Variants in GIGYF2 observed in about 807,000 individuals in gnomAD.
GIGYF2 encodes GRB10-interacting GYF protein 2.
Under a neutral mutation model 208.1 loss-of-function variants are expected in GIGYF2, and 25 were observed. The observed-to-expected ratio is 0.12, with a 90% CI of 0.09 to 0.17. GIGYF2 has a LOEUF of 0.17. Among genes scored for constraint, GIGYF2 ranks in the 10% least tolerant of loss-of-function variants. The pLI is 1.00. For synonymous variants in GIGYF2, 534 were observed against 543.8 expected (o/e 0.98, Z 0.25); for missense variants, 1,302 against 1,579.4 (o/e 0.82, Z 2.98).
chr2:232,739,640 C>T (rs990879287), intron 3 of GIGYF2, among the ~76,000 whole-genome samples: 13 of 151,894 alleles, frequency 8.6e-5, no homozygotes, highest in African/African-American at 2.7e-4. Context: ...CTGCTGCACT[C>T]CAGCCTGGGT....
At chr2:232,827,723 T>G (rs1701293202) in intron 21 of GIGYF2, among the ~76,000 whole-genome samples, 1 of 152,238 alleles carries the variant, frequency 6.6e-6, no homozygotes, top group Non-Finnish European at 1.5e-5. Flanking sequence ...TCTTCTACTT[T>G]GAGTTGAATT....
At chr2:232,810,592 A>G (rs1436650194) in intron 16 of GIGYF2, 3 of 153,770 alleles carry the variant, frequency 2.0e-5, no homozygotes, top group African/African-American at 7.2e-5. Flanking sequence ...CCTGCTCTCT[A>G]TTTTTATATT....
rs371419971 is a variant in GIGYF2 at position 232,816,918 on chromosome 2, G to A, written c.2256G>A (p.Glu752=). 7 of 1,612,832 alleles carry A rather than the reference G, an allele frequency of 4.3e-6. No individual in the cohort carries two copies. In the African/African-American group the frequency reaches 6.7e-5, roughly 15 times the overall value. ...REAEMRAKRE[E]EERKRQEELR... ...CAGAAATGAGGGCAAAACGGGAAGA[G>A]GAAGAGCGAAAGAGGCAGGAAGAAC... The change falls in exon 20 of 29, where the codon GAG becomes GAA. Residue 752 remains glutamate (E), a synonymous_variant. Transcript: ENST00000373563.
At chr2:232,815,803 T>G in intron 19 of GIGYF2, 66 bp downstream of exon 19, 1 of 829,354 alleles carries the variant, frequency 1.2e-6, no homozygotes, top group South Asian at 1.4e-5. Context: ...CATTGCTGTT[T>G]ATTCATCTCT....
chr2:232,824,735 AT>A (rs1701197835), intron 21 of GIGYF2, among the ~76,000 whole-genome samples: 1 of 152,186 alleles, frequency 6.6e-6, no homozygotes, highest in Non-Finnish European at 1.5e-5. Context: ...TAAACAACAT[AT>A]TTTCAGTATA....
chr2:232,782,896 G>A (rs1328360048), intron 8 of GIGYF2: 1 of 152,158 alleles, frequency 6.6e-6, no homozygotes, highest in Non-Finnish European at 1.5e-5. Context: ...AGATTTTTGA[G>A]GCTCCTTAAA....
intron 2 of GIGYF2, among the ~76,000 whole-genome samples, chr2:232,703,934 C>T (rs761778770): frequency 1.3e-5 from 2 of 152,176 alleles, no homozygotes; most frequent in Non-Finnish European, 2.9e-5. Flanking sequence ...TCTGCTTTAA[C>T]AAACACAAAC....
In GIGYF2 at chr2:232,857,929, A is replaced by G. The variant is rs1690635761; in HGVS notation, c.*1069A>G. Reference sequence around the variant, plus strand: ...GGCAAGTTGTTTGCCTTTTCTGAAAAGAGAACATACAGAACCTGTCCATCT... The same window carrying G: ...GGCAAGTTGTTTGCCTTTTCTGAAAGGAGAACATACAGAACCTGTCCATCT... On this transcript the variant is annotated 3_prime_UTR_variant, in exon 29 of 29. Coordinates refer to ENST00000373563, the MANE Select transcript of GIGYF2 (RefSeq NM_001103146.3). 6.5e-6 allele frequency: 1 copy of G among 152,754 alleles called. No homozygotes were observed. Among genetic ancestry groups the G allele is most frequent in the African/African-American group, 2.4e-5 (1 of 41,434 alleles). The allele number at this position is 152,754 out of a possible 1,614,324, so 9.5% of individuals were successfully genotyped here. A position where few individuals can be genotyped will look rare whatever the true frequency, so the allele number is the denominator to read the frequency against.
At chr2:232,764,842 T>C (rs6748027) in intron 8 of GIGYF2, among the ~76,000 whole-genome samples, 49,065 of 152,032 alleles carry the variant, frequency 0.32, 8,249 homozygotes, top group South Asian at 0.62. Context: ...GTTTAGTCGT[T>C]GTTATTTGTG....
At chr2:232,809,836 G>C in intron 16 of GIGYF2, 25 bp downstream of exon 16, 16 of 1,194,256 alleles carry the variant, frequency 1.3e-5, no homozygotes, top group Non-Finnish European at 1.9e-5. Flanking sequence ...GCAGTAGGAT[G>C]TACTGCAGCA....
rs2106428624 is a variant in GIGYF2, at chr2:232,847,531, A to AGCAGCAGCC, written c.3649_3650insAGCCGCAGC (p.Gln1216_Pro1217insGlnProGln). 1 of 1,600,338 alleles carries AGCAGCAGCC rather than the reference A, an allele frequency of 6.2e-7. No individual in the cohort carries two copies. Among genetic ancestry groups the AGCAGCAGCC allele is most frequent in the East Asian group, 2.2e-5 (1 of 44,618 alleles). On this transcript the variant is annotated inframe_insertion, in exon 27 of 29. Transcript: ENST00000373563. ...CAGCAGCTGCCACAGCAGCAGCAGCAGCAGCCGCCACAGCAGCCGCCACAG... is the reference window on the plus strand; with the variant it reads ...CAGCAGCTGCCACAGCAGCAGCAGCAGCAGCAGCCGCAGCCGCCACAGCAGCCGCCACAG...
intron 5 of GIGYF2, among the ~76,000 whole-genome samples, chr2:232,755,551 T>C (rs1048212097): frequency 6.6e-6 from 1 of 152,204 alleles, no homozygotes; most frequent in Non-Finnish European, 1.5e-5. Context: ...CACTCCACTA[T>C]CTCTTTTTAC....
chr2:232,821,109 T>C (rs773467051), intron 21 of GIGYF2, among the ~76,000 whole-genome samples: 1 of 152,036 alleles, frequency 6.6e-6, no homozygotes, highest in Non-Finnish European at 1.5e-5. Flanking sequence ...GGATTACAGG[T>C]GTGTCTTTTT....
chr2:232,702,473 T>C (rs1049514605), intron 1 of GIGYF2, among the ~76,000 whole-genome samples: 2 of 151,930 alleles, frequency 1.3e-5, no homozygotes, highest in Non-Finnish European at 2.9e-5. Context: ...TGTCTCTATC[T>C]AGTTGCTTTC....
In GIGYF2 at chr2:232,816,971, G is replaced by A. The variant is rs149585458; in HGVS notation, c.2309G>A (p.Arg770Gln). Residue 770 changes from arginine (R) to glutamine (Q), a missense_variant, in exon 20 of 29, where the codon CGG becomes CAG. This residue lies in a region of GIGYF2 where 701 missense variants were observed against 793.0 expected (regional missense o/e 0.88). Transcript: ENST00000373563. ...CGAAGACAACAGGAGGAAATTCTTC[G>A]GCGACAGCAGGAAGAAGAAAGGAAA... ...ELRRQQEEIL[R>Q]RQQEEERKRR... is the part of the protein sequence containing the mutation. The A allele has an allele frequency of 8.7e-6, 14 of 1,612,642 alleles. No homozygotes were observed. Among genetic ancestry groups the A allele is most frequent in the Admixed American group, 1.7e-5 (1 of 59,996 alleles).
At chr2:232,827,311 C>T (rs985257787) in intron 21 of GIGYF2, among the ~76,000 whole-genome samples, 13 of 152,214 alleles carry the variant, frequency 8.5e-5, no homozygotes, top group Admixed American at 2.0e-4. Flanking sequence ...TGCTTTATTG[C>T]GATCTTCACT....
At chr2:232,844,014 A>G in intron 23 of GIGYF2, 32 bp from the exon 24 acceptor site, 2 of 1,601,498 alleles carry the variant, frequency 1.2e-6, no homozygotes, top group Non-Finnish European at 1.7e-6. Flanking sequence ...AAAAACAGGA[A>G]TCCTCAGCTA....
At chr2:232,780,313 A>C (rs1276405712) in intron 8 of GIGYF2, among the ~76,000 whole-genome samples, 1 of 152,214 alleles carries the variant, frequency 6.6e-6, no homozygotes, top group East Asian at 1.9e-4. Flanking sequence ...TAATAAACTA[A>C]GATTGAAACA....
At chr2:232,824,940 A>T (rs748925093) in intron 21 of GIGYF2, among the ~76,000 whole-genome samples, 1 of 152,158 alleles carries the variant, frequency 6.6e-6, no homozygotes, top group African/African-American at 2.4e-5. Context: ...AATTATACTA[A>T]ATCTACTCTG....
Sources: allele counts gnomAD v4.1 joint callset (sites outside exome capture counted in the v4.1 genomes callset), GRCh38; gene constraint gnomAD v4.1.1; regional missense constraint gnomAD v4.1.1; transcripts MANE v1.5; gene names NCBI Gene and HGNC (gene_info 2026-07-23, HGNC 2026-07-21).